DOCK10: variants seen among roughly 807,000 people sequenced by gnomAD.
DOCK10 encodes the protein dedicator of cytokinesis protein 10.
Under a neutral mutation model 280.1 loss-of-function variants are expected in DOCK10, and 145 were observed. That is an observed-to-expected ratio of 0.52 (90% CI 0.45 to 0.59). The LOEUF (loss-of-function observed/expected upper bound fraction) is 0.59. DOCK10 is among the 20% of genes least tolerant of loss of function. The pLI is 0.00. For synonymous variants in DOCK10, 915 were observed against 942.2 expected (o/e 0.97, Z 0.53); for missense variants, 2,368 against 2,651.7 (o/e 0.89, Z 2.35).
chr2:224,892,397 C>CAAAAAA (rs1174651393), intron 4 of DOCK10, among the ~76,000 whole-genome samples: 46 of 52,198 alleles, frequency 8.8e-4, no homozygotes, highest in South Asian at 2.2e-3. Context: ...GACCCTGTCT[C>CAAAAAA]AAAAAAAAAA....
At chr2:225,022,398 G>A (rs368095884) in intron 1 of DOCK10, among the ~76,000 whole-genome samples, 1 of 152,138 alleles carries the variant, frequency 6.6e-6, no homozygotes, top group Non-Finnish European at 1.5e-5. Flanking sequence ...TTCCCTGAAG[G>A]TTTAGTTTTG....
chr2:224,823,653 G>A lies in DOCK10; in HGVS notation c.3037-6C>T. 6.3e-7 allele frequency: 1 copy of A among 1,586,786 alleles called. No homozygotes were observed. Among genetic ancestry groups the A allele is most frequent in the Non-Finnish European group, 8.5e-7 (1 of 1,170,542 alleles). The stretch of plus-strand genomic sequence containing the variant: ...AATCTCTGAGGCCGGGGAAGCTAAG[G>A]AAAGAACGGATTATATCTTTCTAAT... On this transcript the variant is annotated splice_polypyrimidine_tract_variant and splice_region_variant and intron_variant, in intron 27 of 55. Coordinates refer to ENST00000258390, the MANE Select transcript of DOCK10 (RefSeq NM_014689.3).
At chr2:224,986,463 A>C (rs1705975908) in intron 1 of DOCK10, among the ~76,000 whole-genome samples, 1 of 152,176 alleles carries the variant, frequency 6.6e-6, no homozygotes, top group Non-Finnish European at 1.5e-5. Flanking sequence ...ATGTCCCCCC[A>C]AAATTCATAT....
At chr2:224,908,042 A>T (rs1700764845) in intron 3 of DOCK10, among the ~76,000 whole-genome samples, 1 of 150,860 alleles carries the variant, frequency 6.6e-6, no homozygotes, top group South Asian at 2.1e-4. Context: ...AAGACTCTGA[A>T]TGTGTGTGTG....
intron 1 of DOCK10, among the ~76,000 whole-genome samples, chr2:224,942,020 G>T (rs1460363000): frequency 6.6e-6 from 1 of 152,254 alleles, no homozygotes; most frequent in African/African-American, 2.4e-5. Flanking sequence ...GGAAATAAAG[G>T]GTTGCTGGGA....
At chr2:224,918,107 C>T (rs765671018) in intron 2 of DOCK10, among the ~76,000 whole-genome samples, 8 of 152,198 alleles carry the variant, frequency 5.3e-5, no homozygotes, top group South Asian at 2.1e-4. Flanking sequence ...CCACCAAGGG[C>T]GGCGTCCTTC....
In DOCK10 at chr2:225,042,331, C is replaced by A; in HGVS notation, c.44G>T (p.Arg15Ile). 7.4e-7 allele frequency: 1 copy of A among 1,344,034 alleles called. No homozygotes were observed. Among genetic ancestry groups the A allele is most frequent in the Non-Finnish European group, 9.6e-7 (1 of 1,044,828 alleles). 83.3% of individuals were successfully genotyped at this position (1,344,034 alleles called of 1,614,324 possible). ...RTRRFTRSLL[R>I]PGQAAELRHS... is the part of the protein sequence containing the mutation. Reference sequence around the variant, plus strand: ...CCGGAGCTCGGCCGCCTGCCCAGGTCTCAACAGGCTCCGGGTGAACCTGCG... The same window carrying A: ...CCGGAGCTCGGCCGCCTGCCCAGGTATCAACAGGCTCCGGGTGAACCTGCG... The change falls in exon 1 of 56, where the codon AGA (arginine) becomes ATA (isoleucine). Residue 15 changes from arginine to isoleucine, a missense_variant. Arg to Ile is a moderately conservative substitution (Grantham distance 97). Transcript: ENST00000258390. This position sits in a 1 kb window ranked among gnomAD's most constrained non-coding sequence, Gnocchi z 5.1.
chr2:224,863,001 T>G (rs1286195979), intron 13 of DOCK10, among the ~76,000 whole-genome samples: 1 of 152,220 alleles, frequency 6.6e-6, no homozygotes, highest in East Asian at 1.9e-4. Flanking sequence ...ATATCAACTT[T>G]TTTCCTTTTT....
intron 23 of DOCK10, among the ~76,000 whole-genome samples, chr2:224,841,247 G>A (rs575066346): frequency 5.9e-5 from 9 of 152,230 alleles, no homozygotes; most frequent in African/African-American, 2.2e-4. Flanking sequence ...GATATTAAGT[G>A]TTATAACCTT....
chr2:225,014,081 A>ATATATATATTTT (rs776104946), intron 1 of DOCK10, among the ~76,000 whole-genome samples: 2 of 96,800 alleles, frequency 2.1e-5, no homozygotes, highest in Non-Finnish European at 3.9e-5. Context: ...GTCTGAATAT[A>ATATATATATTTT]TTGTTTTTTT....
Position 224,800,243 on chromosome 2 carries a change from T to C in DOCK10, c.4414A>G (p.Ile1472Val), listed in dbSNP as rs1574842651. The C allele has an allele frequency of 6.2e-7, 1 of 1,610,452 alleles. No homozygotes were observed. Among genetic ancestry groups the C allele is most frequent in the South Asian group, 1.1e-5 (1 of 90,610 alleles). Residue 1472 changes from isoleucine (I) to valine (V), a missense_variant, in exon 41 of 56, where the codon ATC becomes GTC. Physicochemically the swap from Ile to Val is conservative, Grantham distance 29. This residue lies in a region of DOCK10 where 1,159 missense variants were observed against 1,400.8 expected (regional missense o/e 0.83). Transcript: ENST00000258390. ...GCCTCAGTGTCTACATGATGCACGA[T>C]GTCTATTTCATTGGAGTTGCCTATA... ...TMTSNSNEID[I>V]VHHVDTEANI...
chr2:224,935,276 A>G (rs1416883944), intron 1 of DOCK10, among the ~76,000 whole-genome samples: 1 of 152,268 alleles, frequency 6.6e-6, no homozygotes, highest in Non-Finnish European at 1.5e-5. Context: ...CTATAATTCA[A>G]GATCAAATGG....
chr2:224,972,080 TTAACTATA>T (rs1383313703), intron 1 of DOCK10, among the ~76,000 whole-genome samples: 2 of 152,194 alleles, frequency 1.3e-5, no homozygotes, highest in Non-Finnish European at 1.5e-5. Flanking sequence ...AATTTCTTCC[TTAACTATA>T]TTGGAACAAA....
chr2:224,883,847 T>C lies in DOCK10; in HGVS notation c.747+1824A>G, dbSNP rs371140338. 3.3e-4 allele frequency among the ~76,000 whole-genome samples: 50 copies of C among 152,360 alleles called. No individual in the cohort carries two copies. In the South Asian group the frequency reaches 8.7e-3, roughly 26 times the overall value. On this transcript the variant is annotated intron_variant, in intron 7 of 55. Coordinates refer to ENST00000258390, the MANE Select transcript of DOCK10 (RefSeq NM_014689.3). ...AGAAGAAAAATATTGCATATTAACC[T>C]GGGTTTCTGCAAACTTAATATATAA... is the stretch of plus-strand genomic sequence containing the variant.
intron 3 of DOCK10, among the ~76,000 whole-genome samples, chr2:224,905,258 T>TTTTTA (rs1700538966): frequency 7.6e-6 from 1 of 132,222 alleles, no homozygotes; most frequent in African/African-American, 3.7e-5. Flanking sequence ...TTTTTTTTTT[T>TTTTTA]GAGACGGAGT....
chr2:224,961,458 C>CTTTCTTTCT (rs1704429510), intron 1 of DOCK10, among the ~76,000 whole-genome samples: 2 of 129,614 alleles, frequency 1.5e-5, no homozygotes, highest in Non-Finnish European at 3.3e-5. Flanking sequence ...TTCTTTCTTT[C>CTTTCTTTCT]TTTCTTTCTT....
At chr2:224,789,871 C>T (rs939437892) in intron 47 of DOCK10, among the ~76,000 whole-genome samples, 27 of 152,014 alleles carry the variant, frequency 1.8e-4, no homozygotes, top group Non-Finnish European at 3.8e-4. Flanking sequence ...ACCTCCGCCT[C>T]CCGGGTTCAA....
intron 1 of DOCK10, among the ~76,000 whole-genome samples, chr2:225,019,229 G>A (rs1166489539): frequency 2.0e-5 from 3 of 151,932 alleles, no homozygotes; most frequent in South Asian, 2.1e-4. Context: ...CAGGACCCCC[G>A]CTATCCTGTG....
chr2:224,805,025 A>G lies in DOCK10; in HGVS notation c.4118+33T>C, dbSNP rs770956088. 3.2e-5 allele frequency: 50 copies of G among 1,561,200 alleles called. No individual in the cohort carries two copies. Among genetic ancestry groups the G allele is most frequent in the Non-Finnish European group, 1.8e-5 (21 of 1,154,930 alleles). On this transcript the variant is annotated intron_variant, in intron 37 of 55. Coordinates refer to ENST00000258390, the MANE Select transcript of DOCK10 (RefSeq NM_014689.3). This position sits in a 1 kb window ranked among gnomAD's most constrained non-coding sequence, Gnocchi z 4.3. ...AGTGGACTATTTAGAAATTTCCAGAAAAAAGTGTTAAGTCATCAACTCTAA... is the reference window on the plus strand; with the variant it reads ...AGTGGACTATTTAGAAATTTCCAGAGAAAAGTGTTAAGTCATCAACTCTAA...
Sources: allele counts gnomAD v4.1 joint callset (sites outside exome capture counted in the v4.1 genomes callset), GRCh38; gene constraint gnomAD v4.1.1; regional missense constraint gnomAD v4.1.1; non-coding constraint Gnocchi (gnomAD v3.1); transcripts MANE v1.5; gene names NCBI Gene and HGNC (gene_info 2026-07-23, HGNC 2026-07-21).